DGKB: variants seen among roughly 807,000 people sequenced by gnomAD.
The protein encoded by DGKB is diacylglycerol kinase beta, also known as 90 kDa diacylglycerol kinase.
In DGKB, 67 loss-of-function variants were observed where a neutral mutation model predicts 114.3. The ratio of observed to expected loss-of-function variants is 0.59; its 90% CI spans 0.48 to 0.72. The LOEUF (loss-of-function observed/expected upper bound fraction) is 0.72, where lower values mean the gene tolerates loss of function less well. Ranked by LOEUF, DGKB falls within the 30% of genes least tolerant of loss-of-function variation. The pLI is 0.00. For missense variants in DGKB, 907 were observed against 975.2 expected (o/e 0.93, Z 0.93); for synonymous variants, 398 against 323.1 (o/e 1.23, Z -2.49).
chr7:14,827,176 G>T (rs1448167287), intron 2 of DGKB, among the ~76,000 whole-genome samples: 2 of 152,080 alleles, frequency 1.3e-5, no homozygotes, highest in African/African-American at 4.8e-5. Flanking sequence ...GTGTATTTTT[G>T]ATTACCTTCT....
At chr7:14,787,068 G>A (rs560244913) in intron 2 of DGKB, among the ~76,000 whole-genome samples, 116 of 152,194 alleles carry the variant, frequency 7.6e-4, no homozygotes, top group African/African-American at 2.6e-3. Flanking sequence ...GAGCTACCCC[G>A]TTTGGGTGTC....
At chr7:14,349,896 C>T (rs1813138289) in intron 21 of DGKB, among the ~76,000 whole-genome samples, 1 of 152,052 alleles carries the variant, frequency 6.6e-6, no homozygotes, top group Non-Finnish European at 1.5e-5. Flanking sequence ...CGACATTTAA[C>T]CTATTGTGAA....
At chr7:14,158,954 T>C (rs1333870015) in intron 25 of DGKB, among the ~76,000 whole-genome samples, 1 of 152,162 alleles carries the variant, frequency 6.6e-6, no homozygotes, top group Non-Finnish European at 1.5e-5. Context: ...TTTTCCTTTT[T>C]ACTACCATGT....
At chr7:14,583,635 T>C (rs576361184) in intron 17 of DGKB, among the ~76,000 whole-genome samples, 4 of 152,196 alleles carry the variant, frequency 2.6e-5, no homozygotes, top group Admixed American at 6.6e-5. Context: ...ACTGGGGTTC[T>C]AGCCAACTTT....
chr7:14,288,468 A>T (rs1247046882), intron 23 of DGKB, among the ~76,000 whole-genome samples: 2 of 152,084 alleles, frequency 1.3e-5, no homozygotes, highest in Non-Finnish European at 2.9e-5. Context: ...ATATATTTCT[A>T]GTAGTTATGC....
At chr7:14,952,378 A>C (rs547395374) in intron 1 of DGKB, among the ~76,000 whole-genome samples, 1 of 152,160 alleles carries the variant, frequency 6.6e-6, no homozygotes, top group Admixed American at 6.6e-5. Flanking sequence ...CATGGATCGA[A>C]TGACTTAATA....
intron 25 of DGKB, among the ~76,000 whole-genome samples, chr7:14,170,840 G>C (rs1048951326): frequency 6.6e-6 from 1 of 152,146 alleles, no homozygotes; most frequent in African/African-American, 2.4e-5. Context: ...TAGAGCAACA[G>C]AGAAAAGACC....
At chr7:14,186,234 T>C (rs1231302565) in intron 23 of DGKB, among the ~76,000 whole-genome samples, 1 of 152,080 alleles carries the variant, frequency 6.6e-6, no homozygotes, top group African/African-American at 2.4e-5. Context: ...CAAAAGAAGA[T>C]ATACAAATGG....
At chr7:14,665,920 G>T (rs545339569) in intron 13 of DGKB, among the ~76,000 whole-genome samples, 2 of 151,824 alleles carry the variant, frequency 1.3e-5, no homozygotes, top group African/African-American at 4.8e-5. Flanking sequence ...CTATTTTATC[G>T]ATTTCTGTGA....
At chr7:14,241,994 A>T (rs1793748375) in intron 23 of DGKB, among the ~76,000 whole-genome samples, 1 of 151,742 alleles carries the variant, frequency 6.6e-6, no homozygotes. Context: ...ACACATATAT[A>T]TATACACAAA....
At chr7:14,689,210 T>TTTTA (rs1822334629) in intron 9 of DGKB, among the ~76,000 whole-genome samples, 3 of 127,366 alleles carry the variant, frequency 2.4e-5, no homozygotes, top group African/African-American at 8.1e-5. Flanking sequence ...TTTTTTTTTT[T>TTTTA]TTTTTTTTTT....
chr7:14,290,103 T>C (rs1434194077), intron 23 of DGKB, among the ~76,000 whole-genome samples: 1 of 152,152 alleles, frequency 6.6e-6, no homozygotes, highest in Non-Finnish European at 1.5e-5. Context: ...ACTTCTTGTC[T>C]ATGTTCACAG....
intron 25 of DGKB, among the ~76,000 whole-genome samples, chr7:14,173,381 G>C (rs990432194): frequency 6.6e-6 from 1 of 152,012 alleles, no homozygotes; most frequent in Admixed American, 6.6e-5. Flanking sequence ...ACATTTTTAA[G>C]TGTGCAGTTC....
intron 1 of DGKB, among the ~76,000 whole-genome samples, chr7:14,874,263 G>C (rs757111224): frequency 4.6e-5 from 7 of 151,934 alleles, no homozygotes; most frequent in Non-Finnish European, 8.8e-5. Flanking sequence ...CTTTAATTAG[G>C]AGTTACTAAA....
intron 21 of DGKB, among the ~76,000 whole-genome samples, chr7:14,466,482 C>T (rs1195138475): frequency 6.6e-6 from 1 of 152,126 alleles, no homozygotes; most frequent in Non-Finnish European, 1.5e-5. Flanking sequence ...CAGTGACAGG[C>T]CTAAACAGTT....
chr7:14,288,195 G>A (rs1406275448), intron 23 of DGKB, among the ~76,000 whole-genome samples: 2 of 141,266 alleles, frequency 1.4e-5, no homozygotes, highest in Non-Finnish European at 3.0e-5. Context: ...AGAATTTCAG[G>A]GTTTCTAGAA....
chr7:14,873,614 A>G (rs965103888), intron 1 of DGKB, among the ~76,000 whole-genome samples: 1 of 151,974 alleles, frequency 6.6e-6, no homozygotes, highest in African/African-American at 2.4e-5. Flanking sequence ...CCTAATCTCC[A>G]TTAACTTCTT....
intron 20 of DGKB, among the ~76,000 whole-genome samples, chr7:14,513,013 T>C (rs183806097): frequency 6.6e-6 from 1 of 152,086 alleles, no homozygotes; most frequent in Non-Finnish European, 1.5e-5. Context: ...AAAGAAGATA[T>C]GGCATGTAGC....
rs1836032209 is a variant in DGKB at position 14,763,665 on chromosome 7, G to GT, written c.71-5935_71-5934insA. Among the ~76,000 whole-genome samples the GT allele has an allele frequency of 6.6e-5, 10 of 152,130 alleles. No homozygotes were observed. The South Asian group carries it at 2.1e-3, about 32-fold the overall frequency. On this transcript the variant is annotated intron_variant, in intron 2 of 25. Coordinates refer to ENST00000402815, the MANE Select transcript of DGKB (RefSeq NM_001350709.2). ...CACAGCCAAAAGAATGTACAGTAGT[G>GT]ATTCAAACTCCTATACAGTAAATAT...
Sources: gnomAD v4.1 joint callset for allele counts (sites outside exome capture counted in the v4.1 genomes callset) on GRCh38, gnomAD v4.1.1 for gene constraint, MANE v1.5 for transcripts, NCBI Gene and HGNC (gene_info 2026-07-23, HGNC 2026-07-21) for gene names.